Variants in DCC observed in about 807,000 individuals in gnomAD.
DCC encodes the protein DCC netrin 1 receptor.
DCC carries 58 observed loss-of-function variants against 172.5 expected under a neutral mutation model. The ratio of observed to expected loss-of-function variants is 0.34; its 90% CI spans 0.27 to 0.42. The LOEUF is 0.42. Ranked by LOEUF, DCC falls within the 10% of genes least tolerant of loss-of-function variation. DCC has a pLI of 1.00. For synonymous variants in DCC, 709 were observed against 644.5 expected (o/e 1.10, Z -1.52); for missense variants, 1,740 against 1,791.0 (o/e 0.97, Z 0.51).
At chr18:52,656,556 C>T (rs2035258473) in intron 1 of DCC, among the ~76,000 whole-genome samples, 2 of 152,064 alleles carry the variant, frequency 1.3e-5, no homozygotes, top group Admixed American at 1.3e-4. Flanking sequence ...TACATGTTGC[C>T]CATCACATAT....
intron 1 of DCC, among the ~76,000 whole-genome samples, chr18:52,497,035 CT>C (rs1232963426): frequency 6.6e-6 from 1 of 151,402 alleles, no homozygotes; most frequent in Non-Finnish European, 1.5e-5. Flanking sequence ...AGGAGGGTCC[CT>C]CAAGCCCAGA....
At chr18:52,634,466 A>G (rs2034735124) in intron 1 of DCC, among the ~76,000 whole-genome samples, 1 of 152,210 alleles carries the variant, frequency 6.6e-6, no homozygotes, top group Non-Finnish European at 1.5e-5. Context: ...GGGAGCATAC[A>G]TCATATCATG....
chr18:53,168,190 T>G (rs927470231), intron 8 of DCC, among the ~76,000 whole-genome samples: 1 of 152,094 alleles, frequency 6.6e-6, no homozygotes, highest in Admixed American at 6.6e-5. Context: ...GAAATACCAT[T>G]TGACCCAGCA....
At chr18:53,174,619 A>G (rs958203239) in intron 8 of DCC, among the ~76,000 whole-genome samples, 1 of 150,844 alleles carries the variant, frequency 6.6e-6, no homozygotes, top group Non-Finnish European at 1.5e-5. Context: ...TCCCAAGACT[A>G]AACCAGGAAG....
intron 7 of DCC, among the ~76,000 whole-genome samples, chr18:53,074,361 T>A (rs760163436): frequency 6.6e-6 from 1 of 152,170 alleles, no homozygotes; most frequent in African/African-American, 2.4e-5. Flanking sequence ...TCTTTAAAGT[T>A]CCATCATTGG....
At chr18:53,007,712 T>C (rs2041666644) in intron 5 of DCC, among the ~76,000 whole-genome samples, 2 of 152,046 alleles carry the variant, frequency 1.3e-5, no homozygotes, top group Admixed American at 1.3e-4. Context: ...GAAATTTATG[T>C]TCCCAAAATT....
At chr18:52,816,097 G>C (rs74866114) in intron 2 of DCC, among the ~76,000 whole-genome samples, 5,519 of 152,224 alleles carry the variant, frequency 0.036, 145 homozygotes, top group Admixed American at 0.052. Context: ...TCTGTGCTAG[G>C]GAGATACTAT....
chr18:52,622,470 G>T (rs2034497932), intron 1 of DCC, among the ~76,000 whole-genome samples: 1 of 152,178 alleles, frequency 6.6e-6, no homozygotes, highest in Non-Finnish European at 1.5e-5. Context: ...TACTCATGCT[G>T]CTGCTCCAGG....
At chr18:53,269,624 G>T (rs1406140403) in intron 12 of DCC, among the ~76,000 whole-genome samples, 1 of 152,158 alleles carries the variant, frequency 6.6e-6, no homozygotes. Context: ...CAGGCACAAT[G>T]CTAAGTCGTC....
At chr18:53,172,825 T>C (rs886300904) in intron 8 of DCC, among the ~76,000 whole-genome samples, 3 of 152,096 alleles carry the variant, frequency 2.0e-5, no homozygotes, top group East Asian at 1.9e-4. Context: ...TTTTCCACTA[T>C]TGTTGAATGA....
chr18:53,367,339 A>G (rs1385522607), intron 15 of DCC, among the ~76,000 whole-genome samples: 1 of 152,130 alleles, frequency 6.6e-6, no homozygotes, highest in Non-Finnish European at 1.5e-5. Flanking sequence ...AAAAACAACA[A>G]AACAATAAGA....
chr18:52,486,613 T>C (rs1434316271), intron 1 of DCC, among the ~76,000 whole-genome samples: 1 of 152,188 alleles, frequency 6.6e-6, no homozygotes, highest in Non-Finnish European at 1.5e-5. Context: ...ATAACACTTA[T>C]GGCCCTGGAA....
intron 5 of DCC, among the ~76,000 whole-genome samples, chr18:53,061,601 C>A (rs2042496410): frequency 6.6e-6 from 1 of 152,116 alleles, no homozygotes; most frequent in South Asian, 2.1e-4. Context: ...TCACAATTAT[C>A]TCTCAGGCTC....
At chr18:52,589,191 G>T (rs1568243310) in intron 1 of DCC, among the ~76,000 whole-genome samples, 1 of 152,120 alleles carries the variant, frequency 6.6e-6, no homozygotes, top group Non-Finnish European at 1.5e-5. Context: ...TTAGGATCTG[G>T]GGGGTCAGTG....
At chr18:52,577,684 A>G (rs1366346512) in intron 1 of DCC, among the ~76,000 whole-genome samples, 1 of 152,108 alleles carries the variant, frequency 6.6e-6, no homozygotes, top group Non-Finnish European at 1.5e-5. Flanking sequence ...TAGAGCTTAG[A>G]GCAATCTCTA....
intron 7 of DCC, among the ~76,000 whole-genome samples, chr18:53,087,665 G>T (rs1397927329): frequency 6.6e-6 from 1 of 151,976 alleles, no homozygotes; most frequent in African/African-American, 2.4e-5. Flanking sequence ...TTTTAGACAT[G>T]AAGTCCTTGC....
intron 1 of DCC, among the ~76,000 whole-genome samples, chr18:52,709,848 A>C (rs1023643600): frequency 6.6e-6 from 1 of 152,226 alleles, no homozygotes; most frequent in Admixed American, 6.5e-5. Context: ...AGTAAGAAAT[A>C]TTTTCAATGC....
At chr18:52,853,796 C>A (rs1173058733) in intron 2 of DCC, among the ~76,000 whole-genome samples, 1 of 152,158 alleles carries the variant, frequency 6.6e-6, no homozygotes, top group Non-Finnish European at 1.5e-5. Context: ...ACCCAACATG[C>A]AAAAATGATG....
chr18:53,299,126 C>A (rs1219399294), intron 12 of DCC, among the ~76,000 whole-genome samples: 6 of 152,148 alleles, frequency 3.9e-5, no homozygotes, highest in African/African-American at 1.4e-4. Context: ...TATGTCCACA[C>A]ATGTGCACCT....
Sources: gnomAD v4.1 joint callset for allele counts (sites outside exome capture counted in the v4.1 genomes callset) on GRCh38, gnomAD v4.1.1 for gene constraint, MANE v1.5 for transcripts, NCBI Gene and HGNC (gene_info 2026-07-23, HGNC 2026-07-21) for gene names.